Variants in TMCO4 observed in about 807,000 individuals in gnomAD.
TMCO4 encodes the protein transmembrane and coiled-coil domains 4.
A neutral mutation model predicts 64.7 loss-of-function variants in TMCO4; 58 were observed. The observed-to-expected ratio is 0.90, with a 90% CI of 0.73 to 1.12. The LOEUF (loss-of-function observed/expected upper bound fraction) is 1.12, where lower values mean the gene tolerates loss of function less well. TMCO4 is among the 50% of genes most tolerant of loss of function. The pLI is 0.00. For synonymous variants in TMCO4, 325 were observed against 346.1 expected (o/e 0.94, Z 0.68); for missense variants, 780 against 825.9 (o/e 0.94, Z 0.68).
chr1:19,772,033 C>A (rs2043007689), intron 4 of TMCO4, among the ~76,000 whole-genome samples: 1 of 152,166 alleles, frequency 6.6e-6, no homozygotes, highest in South Asian at 2.1e-4. Context: ...GCAATGACAG[C>A]AATGGATGGT....
intron 13 of TMCO4, among the ~76,000 whole-genome samples, chr1:19,731,347 G>A (rs1030836437): frequency 2.6e-5 from 4 of 152,204 alleles, no homozygotes; most frequent in South Asian, 2.1e-4. Context: ...AATGCTCAGC[G>A]AGTACTTCTG....
chr1:19,695,159 G>A (rs1018730884), intron 14 of TMCO4, among the ~76,000 whole-genome samples: 2 of 152,184 alleles, frequency 1.3e-5, no homozygotes, highest in African/African-American at 4.8e-5. Context: ...CACAGCGCTG[G>A]GAACATTCCT....
At position 19,734,505 on chromosome 1, in the gene TMCO4, A is replaced by T. The variant is rs574528221; in HGVS notation, c.1264+2867T>A. On this transcript the variant is annotated intron_variant, in intron 13 of 15. Coordinates refer to ENST00000294543, the MANE Select transcript of TMCO4 (RefSeq NM_181719.7). The surrounding 1 kb of genome is among the most constrained non-coding windows in gnomAD (Gnocchi z 4.4). ...ATTCACTCCACAGTTTAAAGACCTC[A>T]ATCTTTCCCCAGCGTTGAACCAGTT... Among the ~76,000 whole-genome samples, 1 of 152,060 alleles carries T rather than the reference A, an allele frequency of 6.6e-6. No homozygotes were observed. The highest frequency in any genetic ancestry group is 2.4e-5 in the African/African-American group (1 of 41,406).
chr1:19,739,734 C>T, intron 12 of TMCO4, 90 bp downstream of exon 12: 1 of 1,523,242 alleles, frequency 6.6e-7, no homozygotes, highest in Non-Finnish European at 8.8e-7. Flanking sequence ...CTCCAAGTAG[C>T]CTTGCCTCTA....
At chr1:19,688,349 G>C (rs1289223790) in intron 15 of TMCO4, among the ~76,000 whole-genome samples, 1 of 152,052 alleles carries the variant, frequency 6.6e-6, no homozygotes, top group Non-Finnish European at 1.5e-5. Flanking sequence ...GTACAAATGG[G>C]GCCCAGCCCT....
chr1:19,696,367 C>T (rs2095237072), intron 14 of TMCO4, among the ~76,000 whole-genome samples: 2 of 151,832 alleles, frequency 1.3e-5, no homozygotes, highest in Admixed American at 1.3e-4. Flanking sequence ...CTAGGCAACA[C>T]AGGGAGACCC....
In TMCO4 at chr1:19,683,172, A is replaced by G; in HGVS notation, c.1773T>C (p.Ser591=). The change falls in exon 16 of 16, where the codon TCT becomes TCC. Residue 591 remains serine, a synonymous_variant. Transcript: ENST00000294543. Reference sequence around the variant, plus strand: ...CAGCAGCAGGAAGGGAGGCCCCTTCAGACTGGTCCAGCCCTACTGGCACCT... The same window carrying G: ...CAGCAGCAGGAAGGGAGGCCCCTTCGGACTGGTCCAGCCCTACTGGCACCT... ...QAQVPVGLDQ[S]EGASLPAAAS... 6.2e-7 allele frequency: 1 copy of G among 1,614,224 alleles called. No homozygotes were observed. The highest frequency in any genetic ancestry group is 8.5e-7 in the Non-Finnish European group (1 of 1,180,032).
chr1:19,771,618 A>C (rs1281926151), intron 4 of TMCO4, 136 bp from the exon 5 acceptor site: 1 of 823,402 alleles, frequency 1.2e-6, no homozygotes, highest in Non-Finnish European at 1.8e-6. Context: ...TCAAATACAG[A>C]GGCAGTCAAA....
intron 6 of TMCO4, among the ~76,000 whole-genome samples, chr1:19,764,842 C>CA (rs33963523): frequency 0.058 from 4,083 of 70,300 alleles, 360 homozygotes; most frequent in Non-Finnish European, 0.077. Flanking sequence ...AACTCTGTCT[C>CA]AAAAAAAAAA....
chr1:19,746,575 G>T lies in TMCO4; in HGVS notation c.638C>A (p.Pro213His), dbSNP rs150803752. ...VIGVTGGLAA[P>H]LVAAGAATII... ...CGTCGCTGCTCCAGCGGCAACAAGGGGTGCAGCTAGACCTCCAGTCACACC... is the reference window on the plus strand; with the variant it reads ...CGTCGCTGCTCCAGCGGCAACAAGGTGTGCAGCTAGACCTCCAGTCACACC... Residue 213 changes from proline (P) to histidine (H), a missense_variant, in exon 9 of 16, where the codon CCC becomes CAC. By Grantham distance (77) the Pro-to-His change is moderately conservative. Transcript: ENST00000294543. 2.5e-6 allele frequency: 4 copies of T among 1,610,756 alleles called. No homozygotes were observed. In the African/African-American group the frequency reaches 5.3e-5, roughly 22 times the overall value.
At chr1:19,795,340 C>T (rs1442934231) in intron 2 of TMCO4, among the ~76,000 whole-genome samples, 6 of 152,002 alleles carry the variant, frequency 3.9e-5, no homozygotes, top group Admixed American at 2.6e-4. Context: ...GGCGTGGTGG[C>T]GAGCACCTGT....
At chr1:19,788,158 T>A (rs1349591794) in intron 2 of TMCO4, among the ~76,000 whole-genome samples, 1 of 152,230 alleles carries the variant, frequency 6.6e-6, no homozygotes, top group Non-Finnish European at 1.5e-5. Flanking sequence ...TTCTCCTGGA[T>A]GTTGCGTTCC....
At chr1:19,714,668 A>G (rs1237272631) in intron 13 of TMCO4, among the ~76,000 whole-genome samples, 4 of 152,092 alleles carry the variant, frequency 2.6e-5, no homozygotes, top group Non-Finnish European at 5.9e-5. Flanking sequence ...CACGCCTGTA[A>G]TCCCACCACT....
intron 13 of TMCO4, among the ~76,000 whole-genome samples, chr1:19,723,892 C>T (rs1257050410): frequency 2.0e-5 from 3 of 152,094 alleles, no homozygotes; most frequent in South Asian, 4.1e-4. Flanking sequence ...ACCCCAGAGG[C>T]GAGGCTGGAG....
At chr1:19,764,378 C>T (rs540345719) in intron 6 of TMCO4, among the ~76,000 whole-genome samples, 38 of 152,336 alleles carry the variant, frequency 2.5e-4, no homozygotes, top group African/African-American at 8.4e-4. Flanking sequence ...GGGGTTTCAA[C>T]GAATTGGTTC....
chr1:19,770,554 A>G lies in TMCO4; in HGVS notation c.370T>C (p.Ser124Pro), dbSNP rs1231097896. Reference protein sequence around the residue: ...TVITQDLLSFSLKDGHYDARA... With the variant: ...TVITQDLLSFPLKDGHYDARA... ...AAAATCAACTTACCATCCTTGAGTG[A>G]GAAGCTCAGAAGGTCCTGAGGGAGA... Residue 124 changes from serine (S) to proline (P), a missense_variant, in exon 6 of 16, where the codon TCA (serine) becomes CCA (proline). Transcript: ENST00000294543. 1.2e-6 allele frequency: 2 copies of G among 1,613,804 alleles called. No homozygotes were observed. Among genetic ancestry groups the G allele is most frequent in the East Asian group, 2.2e-5 (1 of 44,892 alleles).
chr1:19,707,843 G>A (rs992374555), intron 13 of TMCO4, among the ~76,000 whole-genome samples: 3 of 152,188 alleles, frequency 2.0e-5, no homozygotes, highest in Admixed American at 6.5e-5. Context: ...CAATCATGGC[G>A]GAAGGTGAAG....
intron 13 of TMCO4, among the ~76,000 whole-genome samples, chr1:19,712,810 A>G (rs2095337459): frequency 6.6e-6 from 1 of 152,194 alleles, no homozygotes; most frequent in Non-Finnish European, 1.5e-5. Context: ...GTGACAAACC[A>G]TCCCAGAACT....
intron 6 of TMCO4, among the ~76,000 whole-genome samples, chr1:19,765,431 A>G (rs1429923142): frequency 8.7e-6 from 1 of 114,928 alleles, no homozygotes; most frequent in Non-Finnish European, 1.7e-5. Flanking sequence ...TTTGCAACCT[A>G]GAGGACATTG....
Sources: gnomAD v4.1 joint callset for allele counts (sites outside exome capture counted in the v4.1 genomes callset) on GRCh38, gnomAD v4.1.1 for gene constraint, Gnocchi (gnomAD v3.1) non-coding constraint, MANE v1.5 for transcripts, NCBI Gene and HGNC (gene_info 2026-07-23, HGNC 2026-07-21) for gene names.